The following PHC3 variants were observed in gnomAD, a reference collection of about 807,000 sequenced individuals.
PHC3 encodes polyhomeotic-like protein 3.
In PHC3, 13 loss-of-function variants were observed where a neutral mutation model predicts 107.4. The observed-to-expected ratio is 0.12, with a 90% confidence interval of 0.08 to 0.19. The LOEUF is 0.19. PHC3 is among the 10% of genes least tolerant of loss of function. The pLI is 1.00. For missense variants in PHC3, 992 were observed against 1,210.9 expected (o/e 0.82, Z 2.68); for synonymous variants, 456 against 427.4 (o/e 1.07, Z -0.83).
At chr3:170,149,032 T>C in intron 5 of PHC3, 54 bp downstream of exon 5, 2 of 1,513,540 alleles carry the variant, frequency 1.3e-6, no homozygotes, top group Non-Finnish European at 1.8e-6. Flanking sequence ...TCAAGAAACA[T>C]TTTGATCTCT....
intron 9 of PHC3, among the ~76,000 whole-genome samples, chr3:170,121,328 A>G (rs1720256732): frequency 6.6e-6 from 1 of 152,134 alleles, no homozygotes; most frequent in South Asian, 2.1e-4. Context: ...GAAAGAAAAC[A>G]GGCAGCAGAA....
At chr3:170,131,033 T>A (rs1351648024) in intron 7 of PHC3, among the ~76,000 whole-genome samples, 4 of 151,704 alleles carry the variant, frequency 2.6e-5, no homozygotes, top group South Asian at 2.1e-4. Context: ...TTAAAAAAAA[T>A]TTTCACATTT....
chr3:170,156,457 T>C (rs905384876), intron 4 of PHC3, among the ~76,000 whole-genome samples: 1 of 152,094 alleles, frequency 6.6e-6, no homozygotes, highest in Non-Finnish European at 1.5e-5. Context: ...AGTTTCGCCA[T>C]GTTGGCCAGG....
chr3:170,132,399 T>C (rs1264237386), intron 7 of PHC3, among the ~76,000 whole-genome samples: 8 of 152,228 alleles, frequency 5.3e-5, no homozygotes, highest in Non-Finnish European at 1.2e-4. Flanking sequence ...GGCCCTGTTA[T>C]GGACTGAATG....
chr3:170,131,922 G>A (rs909993945), intron 7 of PHC3, among the ~76,000 whole-genome samples: 10 of 152,154 alleles, frequency 6.6e-5, no homozygotes, highest in African/African-American at 2.4e-4. Flanking sequence ...CAACAGATTA[G>A]CAATCTATCC....
At chr3:170,176,212 C>T (rs1412721815) in intron 2 of PHC3, among the ~76,000 whole-genome samples, 33 of 133,580 alleles carry the variant, frequency 2.5e-4, no homozygotes, top group Middle Eastern at 4.1e-3. Flanking sequence ...GGCGATAGAG[C>T]GAGACTCGGT....
intron 7 of PHC3, among the ~76,000 whole-genome samples, chr3:170,131,564 T>C (rs998417550): frequency 6.6e-6 from 1 of 152,238 alleles, no homozygotes; most frequent in African/African-American, 2.4e-5. Context: ...CTGGGCGCAA[T>C]GGCTCATGCC....
At chr3:170,132,876 T>G (rs1722479866) in intron 7 of PHC3, among the ~76,000 whole-genome samples, 1 of 152,238 alleles carries the variant, frequency 6.6e-6, no homozygotes, top group African/African-American at 2.4e-5. Context: ...AAACTTCAGC[T>G]CTAATACAGT....
chr3:170,159,587 T>A (rs912560928), intron 4 of PHC3, among the ~76,000 whole-genome samples: 1 of 152,220 alleles, frequency 6.6e-6, no homozygotes, highest in Non-Finnish European at 1.5e-5. Flanking sequence ...CAGTTTCACA[T>A]ATATGATCAT....
At chr3:170,108,687 TTATAATCTGATCTTAC>T (rs1476070806) in intron 11 of PHC3, among the ~76,000 whole-genome samples, 1 of 152,186 alleles carries the variant, frequency 6.6e-6, no homozygotes, top group South Asian at 2.1e-4. Flanking sequence ...TTTGTCATGC[TTATAATCTGATCTTAC>T]TATAATCTGA....
chr3:170,104,037 T>G (rs931615013), intron 12 of PHC3, among the ~76,000 whole-genome samples: 3 of 151,756 alleles, frequency 2.0e-5, no homozygotes, highest in Non-Finnish European at 4.4e-5. Context: ...GCCACTGCAC[T>G]CCAGCACAGG....
intron 7 of PHC3, among the ~76,000 whole-genome samples, chr3:170,134,675 G>GT (rs1387611892): frequency 2.0e-5 from 3 of 152,056 alleles, no homozygotes; most frequent in Non-Finnish European, 2.9e-5. Context: ...CCTAACATAC[G>GT]TAAGTACGTA....
chr3:170,145,453 CGAT>C lies in PHC3; in HGVS notation c.639_641del (p.Ser217del). ...TAGCTGCAGACTGACAGGAAGATGA[CGAT>C]GACGACGAGACAACAGGAATGTCAG... On this transcript the variant is annotated inframe_deletion, in exon 6 of 15. Coordinates refer to ENST00000495893, the MANE Select transcript of PHC3 (RefSeq NM_024947.4). The C allele has an allele frequency of 6.2e-7, 1 of 1,613,418 alleles. No homozygotes were observed. The highest frequency in any genetic ancestry group is 1.1e-5 in the South Asian group (1 of 91,048).
Position 170,128,164 on chromosome 3 carries a change from C to T in PHC3, c.1788+520G>A, listed in dbSNP as rs183086336. ...TAATTTTTTTTTTACAAAATTTCAA[C>T]TACAAAGTATAATTTTACCAAAAAA... On this transcript the variant is annotated intron_variant, in intron 8 of 14. Coordinates refer to ENST00000495893, the MANE Select transcript of PHC3 (RefSeq NM_024947.4). 6.8e-4 allele frequency among the ~76,000 whole-genome samples: 103 copies of T among 152,094 alleles called. 1 individual carries two copies. Among genetic ancestry groups the T allele is most frequent in the African/African-American group, 2.4e-3 (100 of 41,528 alleles).
Position 170,128,874 on chromosome 3 carries a change from A to G in PHC3, c.1598T>C (p.Met533Thr). The G allele has an allele frequency of 6.2e-7, 1 of 1,614,062 alleles. No individual in the cohort carries two copies. The highest frequency in any genetic ancestry group is 8.5e-7 in the Non-Finnish European group (1 of 1,179,894). The change falls in exon 8 of 15, where the codon ATG becomes ACG. Residue 533 changes from methionine to threonine, a missense_variant. Transcript: ENST00000495893. Reference sequence around the variant, plus strand: ...TTCAGGCTGCACTTGTAAAGACTGCATAGACTGCAAGGGCAGTGGTGGAAT... The same window carrying G: ...TTCAGGCTGCACTTGTAAAGACTGCGTAGACTGCAAGGGCAGTGGTGGAAT... The part of the protein sequence containing the change: ...AQIPPLPLQS[M>T]QSLQVQPEIL...
At chr3:170,148,729 C>A (rs1249665691) in intron 5 of PHC3, 2 of 159,824 alleles carry the variant, frequency 1.3e-5, no homozygotes, top group Admixed American at 1.2e-4. Context: ...ATTTTATGGA[C>A]CACTGTAAGT....
rs527835245 is a variant in PHC3, at chr3:170,129,257, C to A, written c.1215G>T (p.Gln405His). 1.6e-4 allele frequency: 255 copies of A among 1,613,732 alleles called. 4 individuals carry two copies. The South Asian group carries it at 2.8e-3, about 18-fold the overall frequency. Residue 405 changes from glutamine (Q) to histidine (H), a missense_variant, in exon 8 of 15, where the codon CAG becomes CAT. Coordinates refer to ENST00000495893, the MANE Select transcript of PHC3 (RefSeq NM_024947.4). ...TVSPNQSQSA[Q>H]QSVVVSPPPP... ...GTGGAGGAGACACCACTACAGACTG[C>A]TGTGCTGACTGTGACTGATTAGGAG... is the stretch of plus-strand genomic sequence containing the variant.
intron 8 of PHC3, among the ~76,000 whole-genome samples, chr3:170,123,154 C>T (rs190994676): frequency 2.0e-5 from 3 of 152,126 alleles, no homozygotes; most frequent in Non-Finnish European, 4.4e-5. Context: ...CCTACAATGA[C>T]ACACTATATT....
chr3:170,117,390 G>A lies in PHC3; in HGVS notation c.2029C>T (p.Pro677Ser), dbSNP rs376319771. Residue 677 changes from proline (P) to serine (S), a missense_variant, in exon 10 of 15, where the codon CCT (proline) becomes TCT (serine). Pro to Ser is a moderately conservative substitution (Grantham distance 74). Coordinates refer to ENST00000495893, the MANE Select transcript of PHC3 (RefSeq NM_024947.4). ...SDPSHVSVPPPPLLLPAATTR... is the reference protein window; with the variant it reads ...SDPSHVSVPPSPLLLPAATTR... ...GTGGCAGCTGGAAGTAACAATGGAG[G>A]TGGTGGAACAGAAACATGTGAGGGA... The A allele has an allele frequency of 2.5e-5, 40 of 1,613,840 alleles. No individual in the cohort carries two copies. Among genetic ancestry groups the A allele is most frequent in the Non-Finnish European group, 3.2e-5 (38 of 1,179,836 alleles).
Sources: gnomAD v4.1 joint callset for allele counts (sites outside exome capture counted in the v4.1 genomes callset) on GRCh38, gnomAD v4.1.1 for gene constraint, MANE v1.5 for transcripts, NCBI Gene and HGNC (gene_info 2026-07-23, HGNC 2026-07-21) for gene names.